The following CCSER1 variants were observed in gnomAD, a reference collection of about 807,000 sequenced individuals.
CCSER1 encodes the protein serine-rich coiled-coil domain-containing protein 1.
A neutral mutation model predicts 82.0 loss-of-function variants in CCSER1; 41 were observed. That is an observed-to-expected ratio of 0.50 (90% CI 0.39 to 0.65). CCSER1 has a LOEUF of 0.65. CCSER1 is among the 30% of genes least tolerant of loss of function. The pLI, the probability that CCSER1 is intolerant of heterozygous loss-of-function variation, is 0.00. For missense variants in CCSER1, 1,119 were observed against 1,064.2 expected, an observed-to-expected ratio of 1.05 and a Z score of -0.72; for synonymous variants, 414 against 383.9, an observed-to-expected ratio of 1.08 and a Z score of -0.92.
intron 10 of CCSER1, among the ~76,000 whole-genome samples, chr4:91,476,779 A>AT (rs1364277277): frequency 2.0e-5 from 3 of 151,752 alleles, no homozygotes; most frequent in African/African-American, 7.2e-5. Context: ...TAGCCAACTC[A>AT]TTTTCAACAA....
At chr4:91,078,857 G>A (rs1212157370) in intron 9 of CCSER1, among the ~76,000 whole-genome samples, 2 of 152,192 alleles carry the variant, frequency 1.3e-5, no homozygotes, top group African/African-American at 4.8e-5. Context: ...TGAATGAAAT[G>A]TAGCGACAAG....
intron 1 of CCSER1, among the ~76,000 whole-genome samples, chr4:90,234,305 C>T (rs1430482551): frequency 6.6e-6 from 1 of 151,626 alleles, no homozygotes; most frequent in Non-Finnish European, 1.5e-5. Flanking sequence ...CAAAGTTTTG[C>T]TCCCTAGCTC....
intron 10 of CCSER1, among the ~76,000 whole-genome samples, chr4:91,384,395 A>C (rs1365098267): frequency 7.9e-6 from 1 of 125,860 alleles, no homozygotes; most frequent in South Asian, 3.0e-4. Context: ...ATTTTTTATT[A>C]TTATTTATGA....
intron 1 of CCSER1, among the ~76,000 whole-genome samples, chr4:90,239,447 A>T (rs1320914592): frequency 1.3e-5 from 2 of 152,124 alleles, no homozygotes; most frequent in Non-Finnish European, 2.9e-5. Flanking sequence ...AAAATAACTC[A>T]TTTACTTGAT....
chr4:90,429,025 A>G (rs141213111), intron 4 of CCSER1, among the ~76,000 whole-genome samples: 2 of 151,884 alleles, frequency 1.3e-5, no homozygotes, highest in African/African-American at 4.8e-5. Flanking sequence ...TCTTTGAAAC[A>G]AATGTATCAC....
chr4:90,956,287 TACTA>T (rs1157850694), intron 9 of CCSER1, among the ~76,000 whole-genome samples: 5 of 152,190 alleles, frequency 3.3e-5, no homozygotes, highest in Admixed American at 2.6e-4. Flanking sequence ...AAGAAAGACC[TACTA>T]ACTATTTTCT....
At chr4:91,041,905 C>T (rs948211767) in intron 9 of CCSER1, among the ~76,000 whole-genome samples, 4 of 152,148 alleles carry the variant, frequency 2.6e-5, no homozygotes, top group Non-Finnish European at 5.9e-5. Flanking sequence ...TTTGACTGAT[C>T]GCAATGTCAC....
chr4:91,438,495 T>G (rs1254508359), intron 10 of CCSER1, among the ~76,000 whole-genome samples: 1 of 151,772 alleles, frequency 6.6e-6, no homozygotes, highest in Non-Finnish European at 1.5e-5. Flanking sequence ...ATCACCATCA[T>G]CAAAGACCAA....
chr4:90,136,656 T>C (rs1723755403), intron 1 of CCSER1, among the ~76,000 whole-genome samples: 1 of 152,236 alleles, frequency 6.6e-6, no homozygotes, highest in African/African-American at 2.4e-5. Context: ...AATGGCTAAA[T>C]TTCTAGGCAA....
At chr4:90,284,521 G>T (rs116677498) in intron 1 of CCSER1, among the ~76,000 whole-genome samples, 7,069 of 149,234 alleles carry the variant, frequency 0.047, 443 homozygotes, top group African/African-American at 0.14. Flanking sequence ...TGAGACAGGG[G>T]CTTGTTCTGT....
intron 10 of CCSER1, among the ~76,000 whole-genome samples, chr4:91,333,007 T>C (rs1024157265): frequency 1.3e-5 from 2 of 152,072 alleles, no homozygotes; most frequent in African/African-American, 4.8e-5. Context: ...AACTTAACTC[T>C]CATGGGAGAA....
intron 10 of CCSER1, among the ~76,000 whole-genome samples, chr4:91,365,029 T>C (rs192936940): frequency 4.6e-5 from 7 of 152,296 alleles, no homozygotes; most frequent in Non-Finnish European, 7.4e-5. Flanking sequence ...AGATAATATC[T>C]TTAGGAAAAG....
intron 9 of CCSER1, among the ~76,000 whole-genome samples, chr4:91,044,899 T>C (rs944404210): frequency 6.6e-6 from 1 of 152,190 alleles, no homozygotes; most frequent in African/African-American, 2.4e-5. Flanking sequence ...TATTAAAGAG[T>C]TCAACATTTA....
intron 10 of CCSER1, among the ~76,000 whole-genome samples, chr4:91,126,870 C>T (rs1363160221): frequency 6.6e-6 from 1 of 151,792 alleles, no homozygotes; most frequent in Non-Finnish European, 1.5e-5. Context: ...AAAAAATAAA[C>T]CTGGGATTGA....
intron 7 of CCSER1, among the ~76,000 whole-genome samples, chr4:90,733,688 C>G (rs1745150519): frequency 6.6e-6 from 1 of 152,046 alleles, no homozygotes; most frequent in Non-Finnish European, 1.5e-5. Context: ...TCCATTTTGA[C>G]TTGATATTTT....
At chr4:91,288,772 A>G (rs941841933) in intron 10 of CCSER1, among the ~76,000 whole-genome samples, 2 of 152,042 alleles carry the variant, frequency 1.3e-5, no homozygotes, top group African/African-American at 4.8e-5. Flanking sequence ...AAGGGAGCAG[A>G]AAAAGATCAT....
chr4:91,088,440 C>T (rs192577849), intron 10 of CCSER1, among the ~76,000 whole-genome samples: 208 of 152,014 alleles, frequency 1.4e-3, no homozygotes, highest in Non-Finnish European at 1.8e-3. Context: ...CATTAAAAAA[C>T]GAATTGCCAG....
At chr4:90,903,273 G>T (rs1209366941) in intron 8 of CCSER1, among the ~76,000 whole-genome samples, 2 of 152,024 alleles carry the variant, frequency 1.3e-5, no homozygotes, top group African/African-American at 2.4e-5. Context: ...TGCTATTCTC[G>T]TGGTAGTGAA....
At chr4:90,914,652 A>AT (rs1266984041) in intron 8 of CCSER1, among the ~76,000 whole-genome samples, 1 of 151,736 alleles carries the variant, frequency 6.6e-6, no homozygotes, top group Non-Finnish European at 1.5e-5. Flanking sequence ...TCAGAGCAGA[A>AT]TTGAAGGAAA....
Sources: allele counts gnomAD v4.1 joint callset (sites outside exome capture counted in the v4.1 genomes callset), GRCh38; gene constraint gnomAD v4.1.1; transcripts MANE v1.5; gene names NCBI Gene and HGNC (gene_info 2026-07-23, HGNC 2026-07-21).